The following ASIP variants were observed in gnomAD, a reference collection of about 807,000 sequenced individuals.
The protein encoded by ASIP is agouti signaling protein, also known as agouti-signaling protein.
Under a neutral mutation model 10.3 loss-of-function variants are expected in ASIP, and 11 were observed. That is an observed-to-expected ratio of 1.07 (90% CI 0.68 to 1.78). ASIP has a LOEUF of 1.78. Ranked by LOEUF, ASIP falls within the 40% of genes most tolerant of loss-of-function variation. The probability of loss-of-function intolerance (pLI) is 0.00; values close to 1 mark genes in which losing one functional copy is unlikely to be tolerated. For synonymous variants in ASIP, 70 were observed against 70.8 expected (o/e 0.99, Z 0.06); for missense variants, 180 against 169.2 (o/e 1.06, Z -0.35).
chr20:34,246,684 C>T, intron 1 of ASIP: 1 of 470,638 alleles, frequency 2.1e-6, no homozygotes, highest in Non-Finnish European at 4.0e-6. Flanking sequence ...TCTTGAACTC[C>T]TGACCTCAAG....
Position 34,269,291 on chromosome 20 carries a change from C to A in ASIP, c.*124C>A. The A allele has an allele frequency of 8.3e-7, 1 of 1,209,942 alleles. No individual in the cohort carries two copies. The highest frequency in any genetic ancestry group is 1.1e-6 in the Non-Finnish European group (1 of 907,658). The allele number at this position is 1,209,942 out of a possible 1,614,324, so 75.0% of individuals were successfully genotyped here. On this transcript the variant is annotated 3_prime_UTR_variant, in exon 4 of 4. Coordinates refer to ENST00000374954, the MANE Select transcript of ASIP (RefSeq NM_001672.3). ...CGGGCGGAGGTTCCAGGAGATGGGA[C>A]TTCAGGGAGACCTGGCTTGGGCTAA...
At chr20:34,196,095 G>A (rs577822686) in intron 1 of ASIP, among the ~76,000 whole-genome samples, 20 of 151,874 alleles carry the variant, frequency 1.3e-4, no homozygotes, top group Admixed American at 1.1e-3. Context: ...AGTCCGGCAC[G>A]GAGAAATAAA....
chr20:34,226,330 A>G lies in ASIP; in HGVS notation c.-11+31570A>G, dbSNP rs1043094123. Among the ~76,000 whole-genome samples the G allele has an allele frequency of 3.3e-5, 5 of 151,930 alleles. No homozygotes were observed. In the East Asian group the frequency reaches 9.7e-4, roughly 29 times the overall value. ...ATAAATACATTAAAAAGTTGAGAAA[A>G]TTCAACATTTATTCTGATTTTTTTT... On this transcript the variant is annotated intron_variant, in intron 1 of 3. Transcript: ENST00000568305.
intron 3 of ASIP, among the ~76,000 whole-genome samples, chr20:34,263,391 C>T (rs2035728811): frequency 6.6e-6 from 1 of 152,070 alleles, no homozygotes; most frequent in South Asian, 2.1e-4. Flanking sequence ...ATGGTGAAAC[C>T]CCGTCTCTAC....
chr20:34,264,459 C>T (rs2035750853), intron 3 of ASIP, among the ~76,000 whole-genome samples: 1 of 152,136 alleles, frequency 6.6e-6, no homozygotes, highest in Non-Finnish European at 1.5e-5. Context: ...GTGTTTAATG[C>T]AATATTGTAA....
At chr20:34,262,184 A>G (rs537872331) in intron 2 of ASIP, among the ~76,000 whole-genome samples, 1 of 152,330 alleles carries the variant, frequency 6.6e-6, no homozygotes, top group African/African-American at 2.4e-5. Context: ...AGGGAGGAAC[A>G]TCAACATTTA....
intron 1 of ASIP, among the ~76,000 whole-genome samples, chr20:34,259,210 A>G (rs1164894292): frequency 3.3e-5 from 5 of 151,366 alleles, no homozygotes; most frequent in Non-Finnish European, 7.4e-5. Flanking sequence ...TCTGTCTCAA[A>G]ACAAACAATG....
intron 1 of ASIP, among the ~76,000 whole-genome samples, chr20:34,226,143 C>A (rs1255009165): frequency 6.6e-6 from 1 of 152,090 alleles, no homozygotes; most frequent in Non-Finnish European, 1.5e-5. Flanking sequence ...AGGAGGTCAC[C>A]CACCTTGGCT....
intron 1 of ASIP, chr20:34,246,348 C>T: frequency 6.5e-7 from 1 of 1,530,890 alleles, no homozygotes; most frequent in Non-Finnish European, 8.8e-7. Flanking sequence ...GTAAATTTTG[C>T]AAGTTCATTT....
intron 1 of ASIP, among the ~76,000 whole-genome samples, chr20:34,213,269 G>C (rs1568748128): frequency 1.3e-5 from 2 of 152,124 alleles, no homozygotes; most frequent in Non-Finnish European, 2.9e-5. Flanking sequence ...CTTCTATCTT[G>C]GACTTGCCAG....
At chr20:34,208,996 A>C (rs1369427947) in intron 1 of ASIP, among the ~76,000 whole-genome samples, 1 of 152,218 alleles carries the variant, frequency 6.6e-6, no homozygotes, top group Non-Finnish European at 1.5e-5. Context: ...TATCAGTTCC[A>C]ATAGGGTTTT....
rs143675974 is a variant in ASIP at position 34,255,441 on chromosome 20, G to A, written c.-10-4924G>A. Among the ~76,000 whole-genome samples the A allele has an allele frequency of 3.6e-3, 541 of 152,198 alleles. 6 individuals carry two copies. The highest frequency in any genetic ancestry group is 0.012 in the African/African-American group (505 of 41,516). ...CTCCCAAGAGGCTGGGACCACAGGT[G>A]TGTACTATCACACCTGTGGGTGGCA... On this transcript the variant is annotated intron_variant, in intron 1 of 3. Coordinates refer to ENST00000374954, the MANE Select transcript of ASIP (RefSeq NM_001672.3).
chr20:34,266,469 T>TA (rs199555465), intron 3 of ASIP, among the ~76,000 whole-genome samples: 1,919 of 152,108 alleles, frequency 0.013, 39 homozygotes, highest in African/African-American at 0.044. Context: ...GGTTAAGAGT[T>TA]AGAGACCAGC....
At chr20:34,193,761 A>G (rs575306445), upstream of ASIP, among the ~76,000 whole-genome samples, 23 of 152,214 alleles carry the variant, frequency 1.5e-4, no homozygotes, top group Non-Finnish European at 2.4e-4. Context: ...AAATCCTTCT[A>G]GGAAACTATG....
chr20:34,245,812 G>T, intron 1 of ASIP: 1 of 790,154 alleles, frequency 1.3e-6, no homozygotes. Context: ...AAATGCCAAG[G>T]ACGAGGGCAG....
Position 34,262,507 on chromosome 20 carries a change from C to A in ASIP, c.161-325C>A, listed in dbSNP as rs112740925. On this transcript the variant is annotated intron_variant, in intron 2 of 3. Transcript: ENST00000374954. ...GCCACAATGGAGATGAAGGAAGGGG[C>A]ACCTGGGGTGGCTCTGAGTGGCCCA... 8.6e-3 allele frequency among the ~76,000 whole-genome samples: 1,317 copies of A among 152,298 alleles called. 21 individuals carry two copies. The highest frequency in any genetic ancestry group is 0.03 in the African/African-American group (1,253 of 41,562).
intron 1 of ASIP, 65 bp downstream of exon 1, chr20:34,241,554 A>C: frequency 7.1e-6 from 7 of 984,158 alleles, no homozygotes; most frequent in Non-Finnish European, 8.4e-6. Context: ...TGGAAAGTTG[A>C]AAGGACTTAA....
chr20:34,218,482 ATTT>A (rs928287677), intron 1 of ASIP, among the ~76,000 whole-genome samples: 3 of 152,230 alleles, frequency 2.0e-5, no homozygotes, highest in African/African-American at 7.2e-5. Flanking sequence ...CCCATTTATC[ATTT>A]TTTATTACTG....
At chr20:34,235,840 A>AGAAAGAAAGAAAGAAG (rs2035181989) in intron 1 of ASIP, among the ~76,000 whole-genome samples, 3 of 53,784 alleles carry the variant, frequency 5.6e-5, no homozygotes, top group Non-Finnish European at 8.9e-5. Context: ...AAAGAAAGAA[A>AGAAAGAAAGAAAGAAG]GAAGGAAGGA....
Sources: gnomAD v4.1 joint callset for allele counts (sites outside exome capture counted in the v4.1 genomes callset) on GRCh38, gnomAD v4.1.1 for gene constraint, MANE v1.5 for transcripts, NCBI Gene and HGNC (gene_info 2026-07-23, HGNC 2026-07-21) for gene names.